PLEKHG1: variants seen among roughly 807,000 people sequenced by gnomAD.
PLEKHG1 encodes pleckstrin homology domain-containing family G member 1.
In PLEKHG1, 44 loss-of-function variants were observed where a neutral mutation model predicts 100.8. That is an observed-to-expected ratio of 0.44 (90% CI 0.34 to 0.56). The LOEUF (loss-of-function observed/expected upper bound fraction) is 0.56, where lower values mean the gene tolerates loss of function less well. Ranked by LOEUF, PLEKHG1 falls within the 20% of genes least tolerant of loss-of-function variation. The probability of loss-of-function intolerance (pLI) is 0.01; values close to 1 mark genes in which losing one functional copy is unlikely to be tolerated. For synonymous variants in PLEKHG1, 640 were observed against 662.5 expected (o/e 0.97, Z 0.52); for missense variants, 1,545 against 1,720.9 (o/e 0.90, Z 1.81).
chr6:150,728,616 G>A (rs1392698653), intron 1 of PLEKHG1, among the ~76,000 whole-genome samples: 1 of 150,834 alleles, frequency 6.6e-6, no homozygotes, highest in Non-Finnish European at 1.5e-5. Context: ...AAAAAAAGTA[G>A]GCCGGGCTCA....
upstream of PLEKHG1, among the ~76,000 whole-genome samples, chr6:150,720,899 C>T (rs1009829919): frequency 6.6e-6 from 1 of 152,132 alleles, no homozygotes; most frequent in Admixed American, 6.6e-5. Flanking sequence ...TGTGCATTTT[C>T]GAGTTACCCA....
intron 12 of PLEKHG1, among the ~76,000 whole-genome samples, chr6:150,820,489 T>C (rs992113783): frequency 2.0e-5 from 3 of 152,224 alleles, no homozygotes; most frequent in African/African-American, 7.2e-5. Context: ...ACCCACTTTA[T>C]GCTTTGCTAA....
chr6:150,720,794 G>A (rs1281998177), upstream of PLEKHG1, among the ~76,000 whole-genome samples: 2 of 152,234 alleles, frequency 1.3e-5, no homozygotes, highest in East Asian at 3.8e-4. Flanking sequence ...ACTGTGGCCA[G>A]AGCCAGGAAG....
intron 1 of PLEKHG1, among the ~76,000 whole-genome samples, chr6:150,622,493 C>A (rs1352959529): frequency 6.6e-6 from 1 of 152,134 alleles, no homozygotes; most frequent in Non-Finnish European, 1.5e-5. Context: ...AGAGCCACCT[C>A]CGGAATTCTC....
chr6:150,616,813 T>C (rs1777091584), intron 1 of PLEKHG1, among the ~76,000 whole-genome samples: 1 of 152,248 alleles, frequency 6.6e-6, no homozygotes. Context: ...AAGAACACGT[T>C]CATCTCACAA....
exon 16 of PLEKHG1, chr6:150,842,114 A>G (rs562664830): frequency 1.3e-5 from 2 of 152,396 alleles, no homozygotes; most frequent in South Asian, 2.1e-4. Context: ...ATGAAAGGCA[A>G]CAAACAAAAA....
In PLEKHG1 at chr6:150,600,033, G is replaced by A. The variant is rs1168744017; in HGVS notation, c.-204+16G>A. 1 of 222,126 alleles carries A rather than the reference G, an allele frequency of 4.5e-6. No individual in the cohort carries two copies. The highest frequency in any genetic ancestry group is 4.1e-5 in the South Asian group (1 of 24,470). 13.8% of individuals were successfully genotyped at this position (222,126 alleles called of 1,614,324 possible). Reference sequence around the variant, plus strand: ...CCCTCCCCGGGTAAGCGCCGGTCGGGCCCGGACGCCCTGGGGACTTTTCCA... The same window carrying A: ...CCCTCCCCGGGTAAGCGCCGGTCGGACCCGGACGCCCTGGGGACTTTTCCA... On this transcript the variant is annotated intron_variant, in intron 1 of 3. Transcript: ENST00000367326. The surrounding 1 kb of genome is among the most constrained non-coding windows in gnomAD (Gnocchi z 6.2).
At position 150,831,690 on chromosome 6, in the gene PLEKHG1, C is replaced by T. The variant is rs1465541725; in HGVS notation, c.2579C>T (p.Ala860Val). ...AAGGCCAGAGACCGTCTCCTGGCAG[C>T]GTTTCCTGTGAGCAAGGATGATGTG... The change falls in exon 15 of 16, where the codon GCG becomes GTG. Residue 860 changes from alanine to valine, a missense_variant. Transcript: ENST00000358517. This position sits in a 1 kb window ranked among gnomAD's most constrained non-coding sequence, Gnocchi z 4.1. The T allele has an allele frequency of 3.7e-6, 6 of 1,612,776 alleles. No individual in the cohort carries two copies. The highest frequency in any genetic ancestry group is 2.2e-5 in the East Asian group (1 of 44,892).
chr6:150,840,607 C>A lies in PLEKHG1; in HGVS notation c.3869C>A (p.Ser1290Ter). Reference sequence around the variant, plus strand: ...GAAATCAAGTCAGAAGAAGATGAGTCGGAGTTGGAGCTATCTCACAATCGT... The same window carrying A: ...GAAATCAAGTCAGAAGAAGATGAGTAGGAGTTGGAGCTATCTCACAATCGT... The change falls in exon 16 of 16, where the codon TCG becomes TAG. Residue 1290 changes from serine to a stop codon, truncating the protein, a stop_gained. Transcript: ENST00000358517. LOFTEE classifies it low-confidence loss of function (END_TRUNC). The A allele has an allele frequency of 6.2e-7, 1 of 1,614,082 alleles. No individual in the cohort carries two copies.
intron 6 of PLEKHG1, among the ~76,000 whole-genome samples, chr6:150,802,513 C>CTTTATCCTACATTTTA (rs1272640290): frequency 6.6e-6 from 1 of 151,952 alleles, no homozygotes; most frequent in East Asian, 1.9e-4. Context: ...AGTTAATTAA[C>CTTTATCCTACATTTTA]AGGAAAAACA....
At chr6:150,695,574 C>T (rs945635882) in intron 3 of PLEKHG1, among the ~76,000 whole-genome samples, 30 of 152,328 alleles carry the variant, frequency 2.0e-4, no homozygotes, top group African/African-American at 7.0e-4. Context: ...TGATCTTGGA[C>T]TTGTGTAGCT....
exon 16 of PLEKHG1, chr6:150,841,010 G>A (rs906498881): frequency 5.9e-6 from 5 of 842,628 alleles, no homozygotes; most frequent in Non-Finnish European, 9.9e-6. Flanking sequence ...AGAACCAGAG[G>A]TGTAAAATAT....
chr6:150,734,095 A>G lies in PLEKHG1; in HGVS notation c.411+3A>G, dbSNP rs747396971. On this transcript the variant is annotated splice_donor_region_variant and intron_variant, in intron 2 of 15. Coordinates refer to ENST00000358517, the Ensembl canonical transcript of PLEKHG1. ...AAGATTTAAAAAGCATCGTAGAGGT[A>G]AGACCGACTTCGCTTTTAATGTTTG... is the stretch of plus-strand genomic sequence containing the variant. The G allele has an allele frequency of 2.5e-6, 4 of 1,597,206 alleles. No individual in the cohort carries two copies. In the East Asian group the frequency reaches 9.0e-5, roughly 36 times the overall value.
rs62434145 is a variant in PLEKHG1 at position 150,707,626 on chromosome 6, T to G, written c.-98-25958T>G. On this transcript the variant is annotated intron_variant, in intron 3 of 3. Transcript: ENST00000367326. ...TAGTGTTAACTCATGTTGATCCCTT[T>G]TTAATTTTTTGGCACCCCAACCCCA... Among the ~76,000 whole-genome samples the G allele has an allele frequency of 3.9e-3, 590 of 152,256 alleles. 2 individuals are homozygous for G. The highest frequency in any genetic ancestry group is 8.3e-3 in the South Asian group (40 of 4,818).
At chr6:150,734,755 T>C (rs1302305724) in intron 2 of PLEKHG1, among the ~76,000 whole-genome samples, 2 of 152,216 alleles carry the variant, frequency 1.3e-5, no homozygotes, top group Non-Finnish European at 2.9e-5. Flanking sequence ...AGTAATCCTA[T>C]ATAAATTATT....
intron 5 of PLEKHG1, among the ~76,000 whole-genome samples, chr6:150,800,242 G>A (rs4869948): frequency 0.036 from 5,417 of 152,184 alleles, 127 homozygotes; most frequent in South Asian, 0.065. Context: ...GCCAGCAGAG[G>A]GGGTGATTAA....
At chr6:150,809,671 C>T (rs750999708) in exon 10 of PLEKHG1, 13 of 1,613,932 alleles carry the variant, frequency 8.1e-6, no homozygotes, top group Non-Finnish European at 1.1e-5. Context: ...AAGACAAACG[C>T]CTCTGGGTTC....
chr6:150,674,632 C>CCTCCCTCTCTCT (rs1779682963), intron 3 of PLEKHG1, among the ~76,000 whole-genome samples: 1 of 66,284 alleles, frequency 1.5e-5, no homozygotes, highest in African/African-American at 6.8e-5. Context: ...CTCTCTCCTC[C>CCTCCCTCTCTCT]CTCTCTCTCT....
chr6:150,654,578 AG>A (rs1778887089), intron 3 of PLEKHG1, among the ~76,000 whole-genome samples: 1 of 152,174 alleles, frequency 6.6e-6, no homozygotes, highest in South Asian at 2.1e-4. Flanking sequence ...TCAACACTGA[AG>A]GCTTTGTGGG....
Sources: gnomAD v4.1 joint callset for allele counts (sites outside exome capture counted in the v4.1 genomes callset) on GRCh38, gnomAD v4.1.1 for gene constraint, Gnocchi (gnomAD v3.1) non-coding constraint, MANE v1.5 for transcripts, NCBI Gene and HGNC (gene_info 2026-07-23, HGNC 2026-07-21) for gene names.